FHIT: variants seen among roughly 807,000 people sequenced by gnomAD.
FHIT encodes the protein bis(5'-adenosyl)-triphosphatase.
Under a neutral mutation model 17.9 loss-of-function variants are expected in FHIT, and 19 were observed. That is an observed-to-expected ratio of 1.06 (90% CI 0.74 to 1.56). The LOEUF (loss-of-function observed/expected upper bound fraction) is 1.56. Ranked by LOEUF, FHIT falls within the 40% of genes most tolerant of loss-of-function variation. FHIT has a pLI of 0.00. For synonymous variants in FHIT, 81 were observed against 69.7 expected (o/e 1.16, Z -0.81); for missense variants, 248 against 189.2 (o/e 1.31, Z -1.82).
chr3:59,757,162 C>T (rs552227010), intron 8 of FHIT, among the ~76,000 whole-genome samples: 7 of 152,258 alleles, frequency 4.6e-5, no homozygotes, highest in African/African-American at 9.6e-5. Context: ...ATAGTCAAAA[C>T]GGTTTTCACA....
At position 61,246,515 on chromosome 3, in the gene FHIT, C is replaced by A. The variant is rs550565851; in HGVS notation, c.-213+4786G>T. 2.6e-5 allele frequency among the ~76,000 whole-genome samples: 4 copies of A among 152,266 alleles called. No individual in the cohort carries two copies. The South Asian group carries it at 8.3e-4, about 32-fold the overall frequency. On this transcript the variant is annotated intron_variant, in intron 1 of 9. Coordinates refer to ENST00000492590, the MANE Select transcript of FHIT (RefSeq NM_002012.4). ...CATTAAACAATTTCCCAAATGCCCT[C>A]GGAATAAGGTCGAAATGCAGGTAAC...
At chr3:60,128,328 A>G (rs1705651473) in intron 5 of FHIT, among the ~76,000 whole-genome samples, 1 of 152,098 alleles carries the variant, frequency 6.6e-6, no homozygotes, top group Non-Finnish European at 1.5e-5. Context: ...ACAAGACCTC[A>G]TGTTTTAAGG....
chr3:60,987,711 A>G (rs1409174237), intron 3 of FHIT, among the ~76,000 whole-genome samples: 2 of 152,192 alleles, frequency 1.3e-5, no homozygotes, highest in Non-Finnish European at 2.9e-5. Flanking sequence ...TTGGCAAGCT[A>G]AAATCATTTT....
chr3:60,431,029 T>C (rs1576641480), intron 5 of FHIT, among the ~76,000 whole-genome samples: 1 of 152,038 alleles, frequency 6.6e-6, no homozygotes, highest in African/African-American at 2.4e-5. Flanking sequence ...CTGGACAACA[T>C]GGTGAAACCC....
chr3:60,364,666 C>T (rs138590580), intron 5 of FHIT, among the ~76,000 whole-genome samples: 33 of 152,280 alleles, frequency 2.2e-4, no homozygotes, highest in African/African-American at 7.2e-4. Flanking sequence ...CTAAGAGATG[C>T]CCAGATAACT....
chr3:61,201,603 C>T (rs1313377308), intron 1 of FHIT, among the ~76,000 whole-genome samples: 1 of 152,036 alleles, frequency 6.6e-6, no homozygotes, highest in African/African-American at 2.4e-5. Context: ...CTCCACATCC[C>T]TCTATTCCAT....
At chr3:60,257,242 A>G (rs1706046100) in intron 5 of FHIT, among the ~76,000 whole-genome samples, 1 of 152,192 alleles carries the variant, frequency 6.6e-6, no homozygotes, top group Non-Finnish European at 1.5e-5. Context: ...TATTGCTGAA[A>G]ATGTTCTTCT....
chr3:59,895,257 T>C (rs1015818145), intron 8 of FHIT, among the ~76,000 whole-genome samples: 1 of 152,252 alleles, frequency 6.6e-6, no homozygotes, highest in African/African-American at 2.4e-5. Flanking sequence ...CATTGCTAAA[T>C]GTTTTCCTCA....
At chr3:59,904,275 A>C (rs1704479271) in intron 8 of FHIT, among the ~76,000 whole-genome samples, 2 of 151,408 alleles carry the variant, frequency 1.3e-5, no homozygotes, top group African/African-American at 4.9e-5. Context: ...TAAGGAATTA[A>C]GCACAAACTT....
chr3:60,782,237 GTATA>G (rs11272366), intron 4 of FHIT, among the ~76,000 whole-genome samples: 3 of 95,520 alleles, frequency 3.1e-5, no homozygotes, highest in African/African-American at 1.1e-4. Context: ...GTGTGTGTGT[GTATA>G]TATATATATA....
At chr3:60,950,154 C>T (rs782478043) in intron 3 of FHIT, among the ~76,000 whole-genome samples, 4 of 152,144 alleles carry the variant, frequency 2.6e-5, no homozygotes, top group Non-Finnish European at 4.4e-5. Flanking sequence ...TAAAGTGATG[C>T]TCACAAGAGT....
intron 5 of FHIT, among the ~76,000 whole-genome samples, chr3:60,532,878 T>C (rs2035838221): frequency 1.3e-5 from 2 of 152,152 alleles, no homozygotes; most frequent in African/African-American, 2.4e-5. Context: ...CAGCAAAATG[T>C]TATAAGAGAG....
intron 4 of FHIT, among the ~76,000 whole-genome samples, chr3:60,641,969 T>G (rs2039735458): frequency 6.6e-6 from 1 of 151,112 alleles, no homozygotes. Flanking sequence ...CAGAGCCTGG[T>G]GAGGTAAAGG....
At chr3:60,337,725 C>A (rs1710312197) in intron 5 of FHIT, among the ~76,000 whole-genome samples, 1 of 152,118 alleles carries the variant, frequency 6.6e-6, no homozygotes, top group African/African-American at 2.4e-5. Flanking sequence ...TGAAATAAGA[C>A]AGACACACTA....
At chr3:59,889,953 A>C (rs1394057529) in intron 8 of FHIT, among the ~76,000 whole-genome samples, 1 of 152,176 alleles carries the variant, frequency 6.6e-6, no homozygotes, top group African/African-American at 2.4e-5. Context: ...GTTTAATATT[A>C]TCTCTCTCTT....
At chr3:59,922,504 C>A in intron 7 of FHIT, 90 bp from the exon 8 acceptor site, 1 of 1,051,020 alleles carries the variant, frequency 9.5e-7, no homozygotes, top group Admixed American at 2.1e-5. Context: ...CCCAATTACT[C>A]CACGATGGTT....
chr3:59,785,031 T>C (rs1359443693), intron 8 of FHIT, among the ~76,000 whole-genome samples: 5 of 152,006 alleles, frequency 3.3e-5, no homozygotes, highest in Admixed American at 1.3e-4. Context: ...ACAGGTCACA[T>C]GGCCCGAGCA....
intron 3 of FHIT, among the ~76,000 whole-genome samples, chr3:60,941,653 T>C (rs1293568704): frequency 6.6e-6 from 1 of 152,222 alleles, no homozygotes; most frequent in Non-Finnish European, 1.5e-5. Flanking sequence ...ATTGCTGAGA[T>C]ATATGAATTT....
chr3:60,353,947 A>G (rs1027113336), intron 5 of FHIT, among the ~76,000 whole-genome samples: 1 of 152,102 alleles, frequency 6.6e-6, no homozygotes, highest in Non-Finnish European at 1.5e-5. Context: ...AATTTTATAT[A>G]TTTATCCTAT....
Sources: gnomAD v4.1 joint callset for allele counts (sites outside exome capture counted in the v4.1 genomes callset) on GRCh38, gnomAD v4.1.1 for gene constraint, MANE v1.5 for transcripts, NCBI Gene and HGNC (gene_info 2026-07-23, HGNC 2026-07-21) for gene names.